The following GRID2 variants were observed in gnomAD, a reference collection of about 807,000 sequenced individuals.
GRID2 encodes the protein glutamate ionotropic receptor delta type subunit 2.
GRID2 carries 33 observed loss-of-function variants against 114.8 expected under a neutral mutation model. The ratio of observed to expected loss-of-function variants is 0.29; its 90% confidence interval spans 0.22 to 0.38. The LOEUF (loss-of-function observed/expected upper bound fraction) is 0.38, where lower values mean the gene tolerates loss of function less well. Ranked by LOEUF, GRID2 falls within the 10% of genes least tolerant of loss-of-function variation. The probability of loss-of-function intolerance (pLI) is 1.00; values close to 1 mark genes in which losing one functional copy is unlikely to be tolerated. For synonymous variants in GRID2, 505 were observed against 449.9 expected, an observed-to-expected ratio of 1.12 and a Z score of -1.55; for missense variants, 1,184 against 1,257.7, an observed-to-expected ratio of 0.94 and a Z score of 0.89.
At chr4:93,567,983 T>C (rs951144959) in intron 13 of GRID2, among the ~76,000 whole-genome samples, 2 of 152,218 alleles carry the variant, frequency 1.3e-5, no homozygotes, top group Non-Finnish European at 2.9e-5. Context: ...CATACACTTA[T>C]GAAATCCTTT....
intron 12 of GRID2, among the ~76,000 whole-genome samples, chr4:93,514,486 A>C (rs1339025257): frequency 6.6e-6 from 1 of 151,688 alleles, no homozygotes; most frequent in Non-Finnish European, 1.5e-5. Context: ...ATAGCAAACG[A>C]AATATAGAAA....
At chr4:93,039,991 T>C (rs1170105751) in intron 2 of GRID2, among the ~76,000 whole-genome samples, 1 of 152,206 alleles carries the variant, frequency 6.6e-6, no homozygotes, top group Non-Finnish European at 1.5e-5. Context: ...TTTCTTCTAG[T>C]CAAATGCACA....
At chr4:93,154,150 A>C (rs1428273303) in intron 4 of GRID2, among the ~76,000 whole-genome samples, 2 of 152,030 alleles carry the variant, frequency 1.3e-5, no homozygotes, top group Non-Finnish European at 2.9e-5. Flanking sequence ...GAACAAATTC[A>C]CCCTCAGGAG....
chr4:92,502,962 C>A (rs1034365180), intron 1 of GRID2, among the ~76,000 whole-genome samples: 2 of 151,892 alleles, frequency 1.3e-5, no homozygotes, highest in African/African-American at 2.4e-5. Context: ...ATGATCAGCC[C>A]ACCTTAGCTT....
chr4:93,532,699 C>T (rs1560721579), intron 13 of GRID2, among the ~76,000 whole-genome samples: 1 of 152,102 alleles, frequency 6.6e-6, no homozygotes, highest in Non-Finnish European at 1.5e-5. Flanking sequence ...GATGGTCTTA[C>T]CATTTCTCCA....
chr4:92,418,448 G>A (rs1333233349), intron 1 of GRID2, among the ~76,000 whole-genome samples: 1 of 152,066 alleles, frequency 6.6e-6, no homozygotes, highest in Non-Finnish European at 1.5e-5. Context: ...ATTGCATTTG[G>A]GATTTTAAAA....
chr4:92,377,411 T>C (rs1263206996), intron 1 of GRID2, among the ~76,000 whole-genome samples: 1 of 152,164 alleles, frequency 6.6e-6, no homozygotes, highest in Non-Finnish European at 1.5e-5. Context: ...GCTATCAGCA[T>C]TTTGGGCAAA....
intron 2 of GRID2, among the ~76,000 whole-genome samples, chr4:92,864,491 T>G (rs1425473803): frequency 6.6e-6 from 1 of 152,170 alleles, no homozygotes; most frequent in Non-Finnish European, 1.5e-5. Flanking sequence ...GGATAACTCA[T>G]GCAGGTCATG....
intron 8 of GRID2, among the ~76,000 whole-genome samples, chr4:93,277,578 T>C (rs1752190212): frequency 6.6e-6 from 1 of 152,014 alleles, no homozygotes; most frequent in Non-Finnish European, 1.5e-5. Flanking sequence ...ATACAGTGAT[T>C]ATTTTAAAAT....
chr4:92,786,404 G>A (rs915263106), intron 2 of GRID2, among the ~76,000 whole-genome samples: 1 of 151,688 alleles, frequency 6.6e-6, no homozygotes. Context: ...AGTTTTACAT[G>A]TTTATTTTAC....
chr4:92,375,397 A>G (rs1274876565), intron 1 of GRID2, among the ~76,000 whole-genome samples: 1 of 152,152 alleles, frequency 6.6e-6, no homozygotes, highest in Non-Finnish European at 1.5e-5. Flanking sequence ...GTGACTAGGT[A>G]TGTCTTGGTG....
rs575805113 is a variant in GRID2 at position 92,316,931 on chromosome 4, G to T, written c.88+12187G>T. 5.3e-5 allele frequency among the ~76,000 whole-genome samples: 8 copies of T among 152,168 alleles called. No individual in the cohort carries two copies. In the South Asian group the frequency reaches 1.7e-3, roughly 32 times the overall value. On this transcript the variant is annotated intron_variant, in intron 1 of 15. Coordinates refer to ENST00000282020, the MANE Select transcript of GRID2 (RefSeq NM_001510.4). ...CAATCATGCCAATTTCAGATCTAAG[G>T]AAGAATTTTTTATTATTTTAATTCT...
At chr4:93,165,370 T>C (rs544868126) in intron 4 of GRID2, among the ~76,000 whole-genome samples, 2 of 151,856 alleles carry the variant, frequency 1.3e-5, no homozygotes, top group African/African-American at 2.4e-5. Flanking sequence ...AGGTTATTAA[T>C]AGAGTGTGGG....
intron 8 of GRID2, among the ~76,000 whole-genome samples, chr4:93,360,985 T>C (rs1207058641): frequency 1.3e-5 from 2 of 152,098 alleles, no homozygotes; most frequent in African/African-American, 4.8e-5. Context: ...TGTACTTTTA[T>C]AACATTTTGC....
chr4:92,926,247 T>G (rs1749799904), intron 2 of GRID2, among the ~76,000 whole-genome samples: 1 of 152,000 alleles, frequency 6.6e-6, no homozygotes, highest in Non-Finnish European at 1.5e-5. Context: ...ATTTCTTTTC[T>G]TCTTGTTAAT....
intron 2 of GRID2, among the ~76,000 whole-genome samples, chr4:92,795,993 G>C (rs1046801158): frequency 6.6e-6 from 1 of 151,836 alleles, no homozygotes; most frequent in African/African-American, 2.4e-5. Context: ...GTGAAGTTAT[G>C]CACAACATCT....
intron 3 of GRID2, among the ~76,000 whole-genome samples, chr4:93,091,519 C>A (rs577140497): frequency 6.6e-6 from 1 of 152,190 alleles, no homozygotes; most frequent in East Asian, 1.9e-4. Context: ...AACATCTGTC[C>A]TTTCCCCATA....
At chr4:93,209,724 T>C (rs1021371924) in intron 5 of GRID2, among the ~76,000 whole-genome samples, 11 of 152,104 alleles carry the variant, frequency 7.2e-5, no homozygotes, top group African/African-American at 2.7e-4. Context: ...ACCAACAATG[T>C]ATAAACATTC....
chr4:92,749,292 C>T (rs1019053720), intron 2 of GRID2, among the ~76,000 whole-genome samples: 1 of 144,488 alleles, frequency 6.9e-6, no homozygotes, highest in Non-Finnish European at 1.5e-5. Context: ...AGACGCCGCG[C>T]CCGGCCTTGA....
Sources: allele counts gnomAD v4.1 joint callset (sites outside exome capture counted in the v4.1 genomes callset), GRCh38; gene constraint gnomAD v4.1.1; transcripts MANE v1.5; gene names NCBI Gene and HGNC (gene_info 2026-07-23, HGNC 2026-07-21).